ANKRD36B: variants seen among roughly 807,000 people sequenced by gnomAD.
The protein encoded by ANKRD36B is ankyrin repeat domain-containing protein 36B.
ANKRD36B carries 37 observed loss-of-function variants against 135.7 expected under a neutral mutation model. The observed-to-expected ratio is 0.27, with a 90% CI of 0.21 to 0.36. The LOEUF (loss-of-function observed/expected upper bound fraction) is 0.36, where lower values mean the gene tolerates loss of function less well. Among genes scored for constraint, ANKRD36B ranks in the 10% least tolerant of loss-of-function variants. The pLI is 1.00. For synonymous variants in ANKRD36B, 179 were observed against 348.1 expected (o/e 0.51, Z 5.41); for missense variants, 549 against 1,037.1 (o/e 0.53, Z 6.46).
intron 6 of ANKRD36B, among the ~76,000 whole-genome samples, chr2:97,565,830 G>A (rs183494728): frequency 5.3e-4 from 81 of 151,820 alleles, no homozygotes; most frequent in Non-Finnish European, 9.6e-4. Flanking sequence ...AATACCATTT[G>A]AGCCAGTAAT....
chr2:97,528,129 C>A lies in ANKRD36B; in HGVS notation c.2265+4182G>T, dbSNP rs2078324982. ...TTTTCAGCACCACACCACACCTATT[C>A]CAAAATTGACCACATAGTTGGAAGT... On this transcript the variant is annotated intron_variant, in intron 35 of 43. Transcript: ENST00000359901. 2.1e-5 allele frequency among the ~76,000 whole-genome samples: 2 copies of A among 95,340 alleles called. 1 individual carries two copies. Among genetic ancestry groups the A allele is most frequent in the Non-Finnish European group, 5.6e-5 (2 of 35,942 alleles). 62.5% of individuals were successfully genotyped at this position (95,340 alleles called of 152,430 possible).
Position 97,558,814 on chromosome 2 carries a change from G to A in ANKRD36B, c.952C>T (p.Gln318Ter). Residue 318 changes from glutamine to a stop codon, truncating the protein, a stop_gained, in exon 10 of 44, where the codon CAA (glutamine) becomes TAA (stop). Transcript: ENST00000359901. LOFTEE classifies it high-confidence loss of function. ...GCAAAATTACCTGTCCCAGATTGTT[G>A]TCCCTCCTTTATTTCTGTGGCTATA... Reference protein sequence around the residue: ...SNIATEIKEGQQSGTVSPQKQ... With the variant: ...SNIATEIKEG The A allele has an allele frequency of 6.2e-7, 1 of 1,611,404 alleles. No individual in the cohort carries two copies. Among genetic ancestry groups the A allele is most frequent in the Non-Finnish European group, 8.5e-7 (1 of 1,178,660 alleles).
rs762168512 is a variant in ANKRD36B, at chr2:97,585,249, T to C, written c.276+35A>G. On this transcript the variant is annotated intron_variant, in intron 2 of 43. Transcript: ENST00000359901. ...TTTTATCCTATGTACTTCAACCAAA[T>C]CCATCTCATGCTCAAAGAGTCAGCT... The C allele has an allele frequency of 3.8e-6, 6 of 1,578,032 alleles. No individual in the cohort carries two copies. The African/African-American group carries it at 6.7e-5, about 18-fold the overall frequency.
chr2:97,573,074 C>T (rs1461777787), intron 6 of ANKRD36B, among the ~76,000 whole-genome samples: 2 of 152,028 alleles, frequency 1.3e-5, no homozygotes, highest in African/African-American at 4.8e-5. Context: ...TCCCCCCACC[C>T]CACAACAGTC....
Position 97,540,147 on chromosome 2 carries a change from T to A in ANKRD36B, c.1915-41A>T, listed in dbSNP as rs778291448. ...AACAAAATAATAAATAAATAAAGTA[T>A]GTTTCATAGACTATACAATTACTAG... On this transcript the variant is annotated intron_variant, in intron 29 of 43. Transcript: ENST00000359901. The A allele has an allele frequency of 1.1e-5, 10 of 944,928 alleles. 3 individuals are homozygous for A. In the South Asian group the frequency reaches 1.2e-4, roughly 11 times the overall value. 58.5% of individuals were successfully genotyped at this position (944,928 alleles called of 1,614,324 possible).
At chr2:97,576,108 A>T (rs2082217232) in intron 6 of ANKRD36B, among the ~76,000 whole-genome samples, 1 of 150,600 alleles carries the variant, frequency 6.6e-6, no homozygotes, top group African/African-American at 2.4e-5. Flanking sequence ...CAACATAATA[A>T]CTTAAAAATT....
chr2:97,577,924 G>A (rs1312205209), intron 5 of ANKRD36B, among the ~76,000 whole-genome samples: 1 of 151,666 alleles, frequency 6.6e-6, no homozygotes, highest in Non-Finnish European at 1.5e-5. Context: ...AAAGTCTCAG[G>A]GTACAGATCT....
In ANKRD36B at chr2:97,578,998, G is replaced by A; in HGVS notation, c.603C>T (p.Val201=). The change falls in exon 5 of 44, where the codon GTC becomes GTT. Residue 201 remains valine, a synonymous_variant. Transcript: ENST00000359901. The part of the protein sequence containing the change: ...LAVTLGEKDI[V]ILLLQHNIDV... The stretch of plus-strand genomic sequence containing the variant: ...CAATATTGTGCTGCAGAAGAAGAAT[G>A]ACTATATCTTTTTCTCCAAGAGTAA... 4 of 1,612,448 alleles carry A rather than the reference G, an allele frequency of 2.5e-6. No homozygotes were observed. The highest frequency in any genetic ancestry group is 3.4e-6 in the Non-Finnish European group (4 of 1,178,988).
chr2:97,533,442 C>A lies in ANKRD36B; in HGVS notation c.2192-1058G>T, dbSNP rs576343502. On this transcript the variant is annotated intron_variant, in intron 34 of 43. Transcript: ENST00000359901. ...AAAGCTGATGGGAGGATGCTATGGCCTATCTTTAATGCAATACTTCAGATT... is the reference window on the plus strand; with the variant it reads ...AAAGCTGATGGGAGGATGCTATGGCATATCTTTAATGCAATACTTCAGATT... Among the ~76,000 whole-genome samples the A allele has an allele frequency of 1.2e-4, 12 of 96,404 alleles. 5 individuals are homozygous for A. The highest frequency in any genetic ancestry group is 3.7e-4 in the African/African-American group (12 of 32,196). 63.2% of individuals were successfully genotyped at this position (96,404 alleles called of 152,430 possible).
In ANKRD36B at chr2:97,576,430, A is replaced by C. The variant is rs758358874; in HGVS notation, c.712T>G (p.Tyr238Asp). The change falls in exon 6 of 44, where the codon TAT (tyrosine) becomes GAT (aspartate). Residue 238 changes from tyrosine to aspartate, a missense_variant. Transcript: ENST00000359901. ...AENRVIFDLIYEYKRKRYEDL... is the reference protein window; with the variant it reads ...AENRVIFDLIDEYKRKRYEDL... ...TCATATCTCTTTCTTTTGTATTCAT[A>C]AATTAGATCAAAAATGCTATGCATA... 19 of 1,263,908 alleles carry C rather than the reference A, an allele frequency of 1.5e-5. No individual in the cohort carries two copies. Among genetic ancestry groups the C allele is most frequent in the Non-Finnish European group, 2.1e-5 (19 of 924,774 alleles). 78.3% of individuals were successfully genotyped at this position (1,263,908 alleles called of 1,614,324 possible).
chr2:97,577,982 G>T (rs935194815), intron 5 of ANKRD36B, among the ~76,000 whole-genome samples: 6 of 151,680 alleles, frequency 4.0e-5, no homozygotes, highest in African/African-American at 1.2e-4. Context: ...AACATTATTT[G>T]AATATCTCTG....
intron 35 of ANKRD36B, among the ~76,000 whole-genome samples, chr2:97,529,168 A>G (rs1171334673): frequency 3.2e-5 from 3 of 95,142 alleles, no homozygotes; most frequent in African/African-American, 9.5e-5. Flanking sequence ...AATACTGGCA[A>G]ACCGAATCCA....
intron 6 of ANKRD36B, among the ~76,000 whole-genome samples, chr2:97,570,611 C>T (rs923707928): frequency 3.9e-5 from 6 of 152,122 alleles, no homozygotes. Flanking sequence ...TACTGGTAGA[C>T]AATATTGCCC....
chr2:97,515,063 T>C lies in ANKRD36B; in HGVS notation c.2621+669A>G, dbSNP rs574542406. Among the ~76,000 whole-genome samples the C allele has an allele frequency of 1.1e-3, 84 of 75,122 alleles. 21 individuals are homozygous for C. The highest frequency in any genetic ancestry group is 3.5e-3 in the African/African-American group (83 of 24,054). 49.3% of individuals were successfully genotyped at this position (75,122 alleles called of 152,430 possible). ...GGATTACAGGTACAACCACCATACC[T>C]GGCTAATTTTTTGTATTTTTAGTAG... On this transcript the variant is annotated intron_variant, in intron 37 of 43. Coordinates refer to ENST00000359901, the MANE Select transcript of ANKRD36B (RefSeq NM_001393939.1).
intron 8 of ANKRD36B, among the ~76,000 whole-genome samples, chr2:97,559,253 T>C (rs981567189): frequency 1.3e-5 from 2 of 151,828 alleles, no homozygotes; most frequent in African/African-American, 4.8e-5. Flanking sequence ...TAAAACCGTG[T>C]CAATATCAAT....
chr2:97,581,306 G>C (rs1196811836), intron 3 of ANKRD36B, among the ~76,000 whole-genome samples: 111 of 152,086 alleles, frequency 7.3e-4, no homozygotes, highest in African/African-American at 2.6e-3. Context: ...TCGATGGTGT[G>C]AGAATCTCAG....
At chr2:97,569,748 T>G (rs2081706584) in intron 6 of ANKRD36B, among the ~76,000 whole-genome samples, 2 of 152,164 alleles carry the variant, frequency 1.3e-5, no homozygotes, top group African/African-American at 4.8e-5. Flanking sequence ...TTTAAAAAGA[T>G]TTTCACTGAA....
chr2:97,556,860 C>G (rs553652248), intron 12 of ANKRD36B, 77 bp downstream of exon 12: 4 of 1,527,146 alleles, frequency 2.6e-6, no homozygotes, highest in Admixed American at 4.2e-5. Flanking sequence ...CAATGACACC[C>G]CACTGATCTA....
At chr2:97,528,680 G>C (rs1256194500) in intron 35 of ANKRD36B, among the ~76,000 whole-genome samples, 1 of 96,060 alleles carries the variant, frequency 1.0e-5, no homozygotes, top group East Asian at 2.3e-4. Context: ...GAAGAAAAGA[G>C]AGAAGAATCA....
Sources: allele counts gnomAD v4.1 joint callset (sites outside exome capture counted in the v4.1 genomes callset), GRCh38; gene constraint gnomAD v4.1.1; transcripts MANE v1.5; gene names NCBI Gene and HGNC (gene_info 2026-07-23, HGNC 2026-07-21).